Variants in BAZ2B observed in about 807,000 individuals in gnomAD.
BAZ2B encodes bromodomain adjacent to zinc finger domain protein 2B.
In BAZ2B, 91 loss-of-function variants were observed where a neutral mutation model predicts 246.0. The observed-to-expected ratio is 0.37, with a 90% CI of 0.31 to 0.44. BAZ2B has a LOEUF of 0.44. Ranked by LOEUF, BAZ2B falls within the 20% of genes least tolerant of loss-of-function variation. The pLI, the probability that BAZ2B is intolerant of heterozygous loss-of-function variation, is 1.00. For missense variants in BAZ2B, 2,332 were observed against 2,533.7 expected (o/e 0.92, Z 1.71); for synonymous variants, 855 against 860.0 (o/e 0.99, Z 0.10).
At chr2:159,448,180 C>T (rs1197666251) in intron 5 of BAZ2B, 62 bp downstream of exon 5, 7 of 1,547,352 alleles carry the variant, frequency 4.5e-6, no homozygotes, top group Non-Finnish European at 5.2e-6. Flanking sequence ...TAAACCTGAA[C>T]ATTATGAAAA....
At position 159,325,286 on chromosome 2, in the gene BAZ2B, A is replaced by G. The variant is rs192322187; in HGVS notation, c.6210-332T>C. On this transcript the variant is annotated intron_variant, in intron 35 of 36. Transcript: ENST00000392783. ...GCTGGGATTATGGGTGCACGCCACTATACCCAGCTAATTTTTGTATTTTTA... is the reference window on the plus strand; with the variant it reads ...GCTGGGATTATGGGTGCACGCCACTGTACCCAGCTAATTTTTGTATTTTTA... 5.8e-3 allele frequency among the ~76,000 whole-genome samples: 868 copies of G among 149,214 alleles called. 14 individuals are homozygous for G. Among genetic ancestry groups the G allele is most frequent in the African/African-American group, 0.02 (811 of 40,430 alleles).
chr2:159,397,302 TA>T, intron 19 of BAZ2B, 42 bp downstream of exon 19: 1 of 1,417,418 alleles, frequency 7.1e-7, no homozygotes, highest in Non-Finnish European at 9.7e-7. Context: ...AGCAATATTA[TA>T]AAATGTACAT....
chr2:159,613,140 AATGTT>A (rs1323642414), intron 1 of BAZ2B, among the ~76,000 whole-genome samples: 1 of 152,128 alleles, frequency 6.6e-6, no homozygotes, highest in Non-Finnish European at 1.5e-5. Context: ...TCAGTATCAT[AATGTT>A]ATGTATAAAA....
chr2:159,369,342 C>G (rs1251478715), intron 27 of BAZ2B, among the ~76,000 whole-genome samples: 4 of 152,138 alleles, frequency 2.6e-5, no homozygotes, highest in Non-Finnish European at 5.9e-5. Flanking sequence ...AGCATAAAGA[C>G]AGCTTGGGGT....
chr2:159,376,240 C>T (rs2061402585), intron 25 of BAZ2B, among the ~76,000 whole-genome samples: 1 of 152,126 alleles, frequency 6.6e-6, no homozygotes, highest in South Asian at 2.1e-4. Context: ...AAGTAACCAA[C>T]AGTGTTCCTA....
chr2:159,474,016 G>T (rs1207958984), intron 3 of BAZ2B, among the ~76,000 whole-genome samples: 1 of 152,144 alleles, frequency 6.6e-6, no homozygotes, highest in Non-Finnish European at 1.5e-5. Context: ...GAGACGTGGT[G>T]CTAAGAAGAC....
At chr2:159,593,807 G>A (rs755667837) in intron 1 of BAZ2B, among the ~76,000 whole-genome samples, 5 of 152,120 alleles carry the variant, frequency 3.3e-5, no homozygotes, top group Non-Finnish European at 5.9e-5. Flanking sequence ...GTCTTGGAAC[G>A]TATCTCCTCG....
intron 2 of BAZ2B, among the ~76,000 whole-genome samples, chr2:159,501,075 G>A (rs2081651339): frequency 7.3e-6 from 1 of 137,042 alleles, no homozygotes; most frequent in Non-Finnish European, 1.5e-5. Context: ...TTCAAGATCA[G>A]CCTGGGCAAC....
the BAZ2B span, among the ~76,000 whole-genome samples, chr2:159,626,131 A>C: frequency 2.6e-5 from 4 of 152,222 alleles, no homozygotes; most frequent in Non-Finnish European, 2.9e-5. Context: ...GGAGGTAACT[A>C]TCCTAAATAT....
chr2:159,382,923 T>A, intron 24 of BAZ2B, 121 bp from the exon 25 acceptor site: 1 of 1,289,684 alleles, frequency 7.8e-7, no homozygotes, highest in Non-Finnish European at 1.0e-6. Flanking sequence ...TTAAGCGATA[T>A]ACCAATGTTA....
At chr2:159,436,238 A>AT (rs2072272117) in intron 8 of BAZ2B, among the ~76,000 whole-genome samples, 1 of 152,180 alleles carries the variant, frequency 6.6e-6, no homozygotes, top group Admixed American at 6.5e-5. Context: ...ATTGTATTTT[A>AT]ATTTTCTGCA....
At chr2:159,678,206 A>T in the BAZ2B span, among the ~76,000 whole-genome samples, 5 of 152,206 alleles carry the variant, frequency 3.3e-5, no homozygotes, top group African/African-American at 1.2e-4. Flanking sequence ...GTTTACTAGT[A>T]TTTCAGTTTG....
the BAZ2B span, among the ~76,000 whole-genome samples, chr2:159,637,652 C>T: frequency 6.6e-6 from 1 of 152,156 alleles, no homozygotes; most frequent in African/African-American, 2.4e-5. Context: ...CAACCTCCCA[C>T]ACTCAAGCAA....
the BAZ2B span, among the ~76,000 whole-genome samples, chr2:159,661,889 G>A: frequency 2.0e-5 from 3 of 152,176 alleles, no homozygotes; most frequent in East Asian, 5.8e-4. Flanking sequence ...GGGACTACAG[G>A]AGTAAGCCAC....
intron 27 of BAZ2B, among the ~76,000 whole-genome samples, chr2:159,354,357 A>G (rs1186193967): frequency 6.6e-6 from 1 of 151,846 alleles, no homozygotes; most frequent in Non-Finnish European, 1.5e-5. Context: ...AAAAAAATAT[A>G]TATATATTTT....
intron 6 of BAZ2B, among the ~76,000 whole-genome samples, chr2:159,439,660 T>C (rs2073020576): frequency 6.6e-6 from 1 of 152,188 alleles, no homozygotes; most frequent in Admixed American, 6.5e-5. Context: ...TGTCCAAGAC[T>C]GAGTCCTTGC....
chr2:159,524,994 A>G (rs2084573270), intron 2 of BAZ2B, among the ~76,000 whole-genome samples: 1 of 152,168 alleles, frequency 6.6e-6, no homozygotes, highest in Non-Finnish European at 1.5e-5. Context: ...CAGACCAGCC[A>G]GAGCAATATA....
chr2:159,394,459 G>T (rs192194889), intron 20 of BAZ2B, among the ~76,000 whole-genome samples: 1 of 152,228 alleles, frequency 6.6e-6, no homozygotes, highest in Admixed American at 6.5e-5. Flanking sequence ...GGTATAGAGG[G>T]TGTCAATAGG....
At chr2:159,330,190 A>G (rs971813993) in intron 34 of BAZ2B, among the ~76,000 whole-genome samples, 2 of 152,350 alleles carry the variant, frequency 1.3e-5, no homozygotes, top group South Asian at 4.1e-4. Flanking sequence ...ACAGAACTAT[A>G]AAGTTATAAA....
Sources: allele counts gnomAD v4.1 joint callset (sites outside exome capture counted in the v4.1 genomes callset), GRCh38; gene constraint gnomAD v4.1.1; transcripts MANE v1.5; gene names NCBI Gene and HGNC (gene_info 2026-07-23, HGNC 2026-07-21).